Variants in THRB observed in about 807,000 individuals in gnomAD.
THRB encodes thyroid hormone receptor beta.
In THRB, 12 loss-of-function variants were observed where a neutral mutation model predicts 47.8. The observed-to-expected ratio is 0.25, with a 90% confidence interval of 0.16 to 0.41. THRB has a LOEUF of 0.41. Ranked by LOEUF, THRB falls within the 10% of genes least tolerant of loss-of-function variation. The pLI, the probability that THRB is intolerant of heterozygous loss-of-function variation, is 1.00. For synonymous variants in THRB, 218 were observed against 212.2 expected, an observed-to-expected ratio of 1.03 and a Z score of -0.24; for missense variants, 348 against 589.2, an observed-to-expected ratio of 0.59 and a Z score of 4.24.
intron 5 of THRB, among the ~76,000 whole-genome samples, chr3:24,187,305 G>A (rs1022452072): frequency 1.3e-5 from 2 of 152,134 alleles, no homozygotes; most frequent in South Asian, 4.1e-4. Flanking sequence ...CAATAGAAAT[G>A]GTAATAACCA....
At position 24,246,106 on chromosome 3, in the gene THRB, ATGT is replaced by A. The variant is rs201597350; in HGVS notation, c.-42-17108_-42-17106del. Among the ~76,000 whole-genome samples the A allele has an allele frequency of 9.1e-3, 1,392 of 152,250 alleles. 11 individuals carry two copies. Among genetic ancestry groups the A allele is most frequent in the South Asian group, 0.032 (154 of 4,814 alleles). ...AGAAGATAGCATGTCCCTTACGGAG[ATGT>A]TGTAGGAATTAAATGAGTTCATGCA... On this transcript the variant is annotated intron_variant, in intron 3 of 10. Coordinates refer to ENST00000646209, the MANE Select transcript of THRB (RefSeq NM_001354712.2).
intron 7 of THRB, chr3:24,144,844 C>A (rs1229012081): frequency 6.6e-6 from 1 of 151,994 alleles, no homozygotes; most frequent in African/African-American, 2.4e-5. Flanking sequence ...GGACTCCTGA[C>A]TCCAGTTCTA....
At chr3:24,259,411 C>G (rs2051684566) in intron 3 of THRB, among the ~76,000 whole-genome samples, 1 of 152,096 alleles carries the variant, frequency 6.6e-6, no homozygotes, top group Admixed American at 6.5e-5. Context: ...TGCTCAGACA[C>G]AAAGCTGACA....
intron 1 of THRB, among the ~76,000 whole-genome samples, chr3:24,414,254 G>T (rs1054508771): frequency 3.3e-5 from 5 of 151,836 alleles, no homozygotes; most frequent in East Asian, 1.9e-4. Flanking sequence ...ATCTGACTGT[G>T]AATTCTTTAT....
chr3:24,308,766 T>A (rs575065719), intron 2 of THRB, among the ~76,000 whole-genome samples: 1 of 152,350 alleles, frequency 6.6e-6, no homozygotes, highest in South Asian at 2.1e-4. Context: ...TAATTGAATA[T>A]GTTTTCTTTC....
intron 1 of THRB, 107 bp from the exon 2 acceptor site, chr3:24,337,478 G>T (rs1455588685): frequency 6.6e-6 from 1 of 152,156 alleles, no homozygotes; most frequent in South Asian, 2.1e-4. Context: ...ATAGGGTCTG[G>T]TTTCAGAGCT....
chr3:24,291,396 CAT>C (rs933537171), intron 3 of THRB, among the ~76,000 whole-genome samples: 38 of 152,330 alleles, frequency 2.5e-4, no homozygotes, highest in African/African-American at 9.1e-4. Flanking sequence ...TCTGTGCGCA[CAT>C]GAGTTATTGT....
intron 9 of THRB, 126 bp downstream of exon 9, chr3:24,133,190 C>G: frequency 9.3e-7 from 1 of 1,076,224 alleles, no homozygotes; most frequent in Non-Finnish European, 1.4e-6. Context: ...TCGTTTTGTA[C>G]TGACGTTGCT....
chr3:24,426,056 C>T (rs1019513431), intron 1 of THRB, among the ~76,000 whole-genome samples: 4 of 151,724 alleles, frequency 2.6e-5, no homozygotes, highest in Admixed American at 6.6e-5. Flanking sequence ...TATAACTTAC[C>T]TATCAGGGTG....
intron 5 of THRB, among the ~76,000 whole-genome samples, chr3:24,173,541 G>A (rs965877642): frequency 3.3e-5 from 5 of 152,070 alleles, no homozygotes; most frequent in African/African-American, 4.8e-5. Flanking sequence ...ACATTTTTGG[G>A]TCTTTGGACA....
intron 2 of THRB, among the ~76,000 whole-genome samples, chr3:24,303,031 C>T (rs567270002): frequency 1.3e-5 from 2 of 152,276 alleles, no homozygotes; most frequent in Admixed American, 6.5e-5. Context: ...TATACAATCA[C>T]ATCATCAACA....
chr3:24,153,674 G>A (rs913673903), intron 5 of THRB, among the ~76,000 whole-genome samples: 1 of 152,070 alleles, frequency 6.6e-6, no homozygotes, highest in African/African-American at 2.4e-5. Context: ...TGCTGATTCA[G>A]GAGGGCAGGT....
chr3:24,209,130 A>G (rs1056852307), intron 4 of THRB, among the ~76,000 whole-genome samples: 1 of 152,272 alleles, frequency 6.6e-6, no homozygotes, highest in Non-Finnish European at 1.5e-5. Flanking sequence ...CAAAACCACA[A>G]TGAGATGCCA....
chr3:24,459,794 C>T (rs1164509951), intron 1 of THRB, among the ~76,000 whole-genome samples: 1 of 152,054 alleles, frequency 6.6e-6, no homozygotes, highest in Non-Finnish European at 1.5e-5. Context: ...CCTTTGCCTA[C>T]TTTTTGATGG....
At chr3:24,256,804 A>G (rs1576350037) in intron 3 of THRB, among the ~76,000 whole-genome samples, 1 of 152,198 alleles carries the variant, frequency 6.6e-6, no homozygotes. Flanking sequence ...GAGGACAAAG[A>G]GATGTTAGAG....
intron 3 of THRB, among the ~76,000 whole-genome samples, chr3:24,265,778 A>G (rs1159777677): frequency 1.3e-5 from 2 of 152,214 alleles, no homozygotes; most frequent in Non-Finnish European, 2.9e-5. Context: ...CTTCAAAATT[A>G]TTAAAATATC....
intron 4 of THRB, among the ~76,000 whole-genome samples, chr3:24,215,648 T>G (rs966206887): frequency 3.3e-5 from 5 of 152,170 alleles, no homozygotes; most frequent in African/African-American, 1.2e-4. Flanking sequence ...TGACACAGAC[T>G]CATTATCAAA....
At chr3:24,311,105 C>A (rs917093961) in intron 2 of THRB, among the ~76,000 whole-genome samples, 1 of 152,128 alleles carries the variant, frequency 6.6e-6, no homozygotes, top group Non-Finnish European at 1.5e-5. Context: ...GACACTTACT[C>A]ACCCAAAATG....
intron 3 of THRB, among the ~76,000 whole-genome samples, chr3:24,282,668 C>G (rs1044774571): frequency 1.4e-5 from 2 of 144,996 alleles, no homozygotes; most frequent in Admixed American, 6.7e-5. Flanking sequence ...AAAGGATCAA[C>G]AAAATTGATA....
Sources: allele counts gnomAD v4.1 joint callset (sites outside exome capture counted in the v4.1 genomes callset), GRCh38; gene constraint gnomAD v4.1.1; transcripts MANE v1.5; gene names NCBI Gene and HGNC (gene_info 2026-07-23, HGNC 2026-07-21).